SLC12A4: variants seen among roughly 807,000 people sequenced by gnomAD.
The protein encoded by SLC12A4 is solute carrier family 12 member 4.
In SLC12A4, 84 loss-of-function variants were observed where a neutral mutation model predicts 119.2. The observed-to-expected ratio is 0.70, with a 90% confidence interval of 0.59 to 0.85. The LOEUF (loss-of-function observed/expected upper bound fraction) is 0.85. SLC12A4 is among the 40% of genes least tolerant of loss of function. SLC12A4 has a pLI of 0.00. For missense variants in SLC12A4, 1,298 were observed against 1,476.3 expected (o/e 0.88, Z 1.98); for synonymous variants, 599 against 604.6 (o/e 0.99, Z 0.14).
rs192499030 is a variant in SLC12A4, at chr16:67,948,246, C to T, written c.1749-87G>A. On this transcript the variant is annotated intron_variant, in intron 13 of 23. Coordinates refer to ENST00000316341, the MANE Select transcript of SLC12A4 (RefSeq NM_005072.5). ...GGCTGGGCCTGGCCCAGAAACGGGG[C>T]GTGGCCCGGCCCTGCCCTGCATGGC... The T allele has an allele frequency of 3.2e-3, 4,174 of 1,290,386 alleles. 11 individuals are homozygous for T. The highest frequency in any genetic ancestry group is 4.2e-3 in the Non-Finnish European group (3,741 of 897,092). The allele number at this position is 1,290,386 out of a possible 1,614,324, so 79.9% of individuals were successfully genotyped here.
chr16:67,953,665 T>A (rs1484587710), intron 6 of SLC12A4, among the ~76,000 whole-genome samples: 1 of 152,186 alleles, frequency 6.6e-6, no homozygotes, highest in Non-Finnish European at 1.5e-5. Context: ...TAAATTGGTA[T>A]GGGAATTGCA....
chr16:67,952,647 C>T (rs551305578), intron 6 of SLC12A4, among the ~76,000 whole-genome samples: 6 of 146,360 alleles, frequency 4.1e-5, no homozygotes, highest in Admixed American at 7.0e-5. Flanking sequence ...AAAAATTAGC[C>T]GGGCGTGGTG....
chr16:67,966,157 G>A (rs1440927746), intron 1 of SLC12A4, among the ~76,000 whole-genome samples: 1 of 152,216 alleles, frequency 6.6e-6, no homozygotes, highest in Non-Finnish European at 1.5e-5. Context: ...TCTATGAAGT[G>A]GAGATTGTAA....
Position 67,951,826 on chromosome 16 carries a change from G to A in SLC12A4, c.1129C>T (p.Gln377Ter). ...GACGACGGGAGGGAGGACCCACCCT[G>A]GAGCACACCAGCAGCTGCCCCGGGG... Reference protein sequence around the residue: ...GIPGAAAGVLQENLWSAYLEK... With the variant: ...GIPGAAAGVL The change falls in exon 8 of 24, where the codon CAG (glutamine) becomes TAG (stop). Residue 377 changes from glutamine (Q) to a stop codon, truncating the protein, a stop_gained. Transcript: ENST00000316341. LOFTEE classifies it high-confidence loss of function. This position sits in a 1 kb window ranked among gnomAD's most constrained non-coding sequence, Gnocchi z 5.2. 6.2e-7 allele frequency: 1 copy of A among 1,611,330 alleles called. No homozygotes were observed. Among genetic ancestry groups the A allele is most frequent in the Non-Finnish European group, 8.5e-7 (1 of 1,179,010 alleles).
At chr16:67,954,124 C>A in intron 6 of SLC12A4, 1 of 410,214 alleles carries the variant, frequency 2.4e-6, no homozygotes, top group South Asian at 1.7e-5. Flanking sequence ...ACTGGTACGG[C>A]AGTTCACTGG....
intron 1 of SLC12A4, chr16:67,964,163 G>T: frequency 1.4e-6 from 2 of 1,415,902 alleles, no homozygotes; most frequent in Non-Finnish European, 1.9e-6. Context: ...AGCCTTCTAG[G>T]GTTGCCTAAG....
chr16:67,968,388 C>G (rs762994843), intron 1 of SLC12A4, 51 bp downstream of exon 1: 16 of 1,477,300 alleles, frequency 1.1e-5, no homozygotes, highest in Non-Finnish European at 1.4e-5. Context: ...ATGGCGGCCC[C>G]GGGTGGCAGG....
rs759735382 is a variant in SLC12A4, at chr16:67,957,728, T to A, written c.544+14A>T. The A allele has an allele frequency of 1.2e-6, 2 of 1,612,434 alleles. No homozygotes were observed. Among genetic ancestry groups the A allele is most frequent in the East Asian group, 2.2e-5 (1 of 44,872 alleles). ...CTTTTCTCTTCCACCAGGCCTTGGG[T>A]GGCGCTCACTGACCTGGAACCACAC... is the stretch of plus-strand genomic sequence containing the variant. On this transcript the variant is annotated intron_variant, in intron 5 of 23. Coordinates refer to ENST00000316341, the MANE Select transcript of SLC12A4 (RefSeq NM_005072.5).
intron 6 of SLC12A4, 90 bp downstream of exon 6, chr16:67,954,553 T>C (rs1328900941): frequency 3.3e-6 from 5 of 1,505,374 alleles, no homozygotes. Flanking sequence ...TGGCCAGACA[T>C]GTGGGGATGA....
In SLC12A4 at chr16:67,964,947, G is replaced by A. The variant is rs117838106; in HGVS notation, c.116-1388C>T. On this transcript the variant is annotated intron_variant, in intron 1 of 23. Coordinates refer to ENST00000316341, the MANE Select transcript of SLC12A4 (RefSeq NM_005072.5). Reference sequence around the variant, plus strand: ...AAACTAACAAATCAAGTGTGCCCATGACAGTTTCTGGGGCAAAGTCAGTTC... The same window carrying A: ...AAACTAACAAATCAAGTGTGCCCATAACAGTTTCTGGGGCAAAGTCAGTTC... Among the ~76,000 whole-genome samples the A allele has an allele frequency of 8.9e-3, 1,353 of 152,330 alleles. 16 individuals carry two copies. The highest frequency in any genetic ancestry group is 0.013 in the Non-Finnish European group (912 of 68,036).
intron 3 of SLC12A4, 77 bp from the exon 4 acceptor site, chr16:67,958,121 C>A: frequency 6.6e-7 from 1 of 1,513,820 alleles, no homozygotes; most frequent in Non-Finnish European, 8.9e-7. Context: ...AGTCACTCAG[C>A]AGGCCCCCTC....
Position 67,965,914 on chromosome 16 carries a change from G to T in SLC12A4, c.116-2355C>A, listed in dbSNP as rs7202744. On this transcript the variant is annotated intron_variant, in intron 1 of 23. Transcript: ENST00000316341. ...GGAGAAGGCCACATCTGGGTCCCAG[G>T]GTCCATCAGAGCCCTGTAGGGGCGG... Among the ~76,000 whole-genome samples, 963 of 152,288 alleles carry T rather than the reference G, an allele frequency of 6.3e-3. 11 individuals carry two copies. Among genetic ancestry groups the T allele is most frequent in the African/African-American group, 0.022 (918 of 41,554 alleles).
chr16:67,965,072 A>G (rs1446195851), intron 1 of SLC12A4, among the ~76,000 whole-genome samples: 1 of 152,218 alleles, frequency 6.6e-6, no homozygotes. Flanking sequence ...ACATAGGTCA[A>G]TGCCAATGGC....
intron 13 of SLC12A4, among the ~76,000 whole-genome samples, chr16:67,948,734 G>A (rs1388620167): frequency 6.6e-6 from 1 of 152,172 alleles, no homozygotes; most frequent in East Asian, 1.9e-4. Context: ...CAGGAGGCCC[G>A]AGATAAAGGC....
Position 67,951,665 on chromosome 16 carries a change from C to T in SLC12A4, c.1132+158G>A, listed in dbSNP as rs1384238072. The T allele has an allele frequency of 1.0e-5, 7 of 700,678 alleles. No homozygotes were observed. In the East Asian group the frequency reaches 1.4e-4, roughly 14 times the overall value. 43.4% of individuals were successfully genotyped at this position (700,678 alleles called of 1,614,324 possible). On this transcript the variant is annotated intron_variant, in intron 8 of 23. Coordinates refer to ENST00000316341, the MANE Select transcript of SLC12A4 (RefSeq NM_005072.5). The surrounding 1 kb of genome is among the most constrained non-coding windows in gnomAD (Gnocchi z 5.2). ...CCAGACAGGCTCCACTCACTCCAAA[C>T]TCGGCTGCCAGGAGCCAGGCTGGGA...
chr16:67,961,782 C>T, intron 2 of SLC12A4, 76 bp from the exon 3 acceptor site: 2 of 1,584,270 alleles, frequency 1.3e-6, no homozygotes, highest in Non-Finnish European at 1.7e-6. Flanking sequence ...TGCCTGGTCC[C>T]TGGCCCTGTT....
Position 67,951,490 on chromosome 16 carries a change from G to A in SLC12A4, c.1133-186C>T, listed in dbSNP as rs564080571. ...AGAAGGAGCTGCCCAGCTAGAAGTC[G>A]ACAGACAAAGGTGGCTGAACCACCG... On this transcript the variant is annotated intron_variant, in intron 8 of 23. Coordinates refer to ENST00000316341, the MANE Select transcript of SLC12A4 (RefSeq NM_005072.5). The surrounding 1 kb of genome is among the most constrained non-coding windows in gnomAD (Gnocchi z 5.2). The A allele has an allele frequency of 2.6e-5, 18 of 690,112 alleles. No homozygotes were observed. Among genetic ancestry groups the A allele is most frequent in the South Asian group, 2.1e-4 (11 of 51,578 alleles). The allele number at this position is 690,112 out of a possible 1,614,324, so 42.7% of individuals were successfully genotyped here.
At chr16:67,957,240 G>A (rs1018025187) in intron 5 of SLC12A4, among the ~76,000 whole-genome samples, 1 of 151,272 alleles carries the variant, frequency 6.6e-6, no homozygotes, top group African/African-American at 2.4e-5. Context: ...TGCAATCTCG[G>A]CTCACCGCAA....
chr16:67,963,678 G>T, intron 1 of SLC12A4, 119 bp from the exon 2 acceptor site: 2 of 856,542 alleles, frequency 2.3e-6, no homozygotes, highest in Non-Finnish European at 3.5e-6. Context: ...AGTGTCACCA[G>T]GTTGCAACTC....
Sources: allele counts gnomAD v4.1 joint callset (sites outside exome capture counted in the v4.1 genomes callset), GRCh38; gene constraint gnomAD v4.1.1; non-coding constraint Gnocchi (gnomAD v3.1); transcripts MANE v1.5; gene names NCBI Gene and HGNC (gene_info 2026-07-23, HGNC 2026-07-21).